The following ZNF385D variants were observed in gnomAD, a reference collection of about 807,000 sequenced individuals.
ZNF385D encodes the protein zinc finger protein 385D.
In ZNF385D, 15 loss-of-function variants were observed where a neutral mutation model predicts 35.8. That is an observed-to-expected ratio of 0.42 (90% CI 0.28 to 0.64). The LOEUF is 0.64. Among genes scored for constraint, ZNF385D ranks in the 30% least tolerant of loss-of-function variants. ZNF385D has a pLI of 0.23. For missense variants in ZNF385D, 474 were observed against 494.6 expected (o/e 0.96, Z 0.39); for synonymous variants, 212 against 186.8 (o/e 1.13, Z -1.10).
At chr3:21,896,898 G>A (rs1169637907) in intron 3 of ZNF385D, among the ~76,000 whole-genome samples, 1 of 151,712 alleles carries the variant, frequency 6.6e-6, no homozygotes, top group Non-Finnish European at 1.5e-5. Context: ...CCAAGACACA[G>A]ACTTCTAGAA....
At chr3:21,595,474 T>C (rs934914617) in intron 2 of ZNF385D, among the ~76,000 whole-genome samples, 1 of 145,278 alleles carries the variant, frequency 6.9e-6, no homozygotes, top group African/African-American at 2.5e-5. Flanking sequence ...AATATATAAT[T>C]ATATATGTTT....
chr3:21,447,678 A>G lies in ZNF385D; in HGVS notation c.440-10475T>C, dbSNP rs529769724. On this transcript the variant is annotated intron_variant, in intron 4 of 7. Transcript: ENST00000281523. ...GGAATTATGACATGATAAATCATGA[A>G]TCTTGAAAGCTTTTACTAATTGAAG... Among the ~76,000 whole-genome samples the G allele has an allele frequency of 5.9e-5, 9 of 152,328 alleles. No individual in the cohort carries two copies. The South Asian group carries it at 1.9e-3, about 32-fold the overall frequency.
chr3:22,283,302 G>A (rs894098856), intron 2 of ZNF385D, among the ~76,000 whole-genome samples: 1 of 151,952 alleles, frequency 6.6e-6, no homozygotes, highest in African/African-American at 2.4e-5. Context: ...AGGAAACAAT[G>A]GACTTAAACT....
intron 3 of ZNF385D, among the ~76,000 whole-genome samples, chr3:22,030,183 C>T (rs1697848719): frequency 6.8e-6 from 1 of 146,052 alleles, no homozygotes; most frequent in African/African-American, 2.5e-5. Flanking sequence ...ACTGGCTCTA[C>T]TTGCTCCTCA....
intron 3 of ZNF385D, among the ~76,000 whole-genome samples, chr3:22,139,968 T>C (rs1218959616): frequency 2.0e-5 from 3 of 152,182 alleles, no homozygotes; most frequent in Non-Finnish European, 4.4e-5. Flanking sequence ...CAAGAACTGA[T>C]GAGGATATAG....
At chr3:21,522,924 A>C (rs1452979442) in intron 3 of ZNF385D, among the ~76,000 whole-genome samples, 1 of 152,220 alleles carries the variant, frequency 6.6e-6, no homozygotes, top group Non-Finnish European at 1.5e-5. Context: ...CTAACAGCAC[A>C]CTATCCACCG....
chr3:21,512,532 A>G (rs1707291279), intron 3 of ZNF385D, among the ~76,000 whole-genome samples: 1 of 152,254 alleles, frequency 6.6e-6, no homozygotes, highest in African/African-American at 2.4e-5. Context: ...TTCTAGCAAG[A>G]TATCCTCAAA....
intron 1 of ZNF385D, among the ~76,000 whole-genome samples, chr3:21,707,351 G>C (rs541759963): frequency 3.3e-5 from 5 of 152,286 alleles, no homozygotes; most frequent in African/African-American, 1.2e-4. Context: ...ACAGTAGGAA[G>C]TCAAGCTTTC....
At chr3:21,977,382 G>C (rs1439725111) in intron 3 of ZNF385D, among the ~76,000 whole-genome samples, 4 of 152,004 alleles carry the variant, frequency 2.6e-5, no homozygotes, top group South Asian at 2.1e-4. Context: ...TTGTCTAGGG[G>C]GTTCCACAGC....
intron 3 of ZNF385D, among the ~76,000 whole-genome samples, chr3:21,997,833 G>A (rs1042060766): frequency 6.6e-6 from 1 of 151,620 alleles, no homozygotes; most frequent in Non-Finnish European, 1.5e-5. Context: ...ATCTGGTGGG[G>A]TTTTTTGTTG....
upstream of ZNF385D, among the ~76,000 whole-genome samples, chr3:21,753,469 C>G (rs1254737951): frequency 3.3e-5 from 5 of 152,064 alleles, no homozygotes; most frequent in Non-Finnish European, 5.9e-5. Context: ...TGGTAGTATA[C>G]CCCAAAAAAC....
At chr3:22,192,671 C>T (rs896973442) in intron 2 of ZNF385D, among the ~76,000 whole-genome samples, 1 of 152,132 alleles carries the variant, frequency 6.6e-6, no homozygotes, top group Non-Finnish European at 1.5e-5. Flanking sequence ...ACTACAACCT[C>T]ATGAAAAAAC....
chr3:21,723,178 T>C (rs1251226151), intron 1 of ZNF385D, among the ~76,000 whole-genome samples: 8 of 152,006 alleles, frequency 5.3e-5, no homozygotes, highest in Admixed American at 3.3e-4. Context: ...GGTAGATAAA[T>C]CCACAAAGAT....
chr3:21,980,497 A>C (rs997412437), intron 3 of ZNF385D, among the ~76,000 whole-genome samples: 6 of 152,174 alleles, frequency 3.9e-5, no homozygotes, highest in African/African-American at 1.4e-4. Context: ...AAAACACAAC[A>C]ACTCTTGGAA....
Position 22,123,954 on chromosome 3 carries a change from CTCTCTCTCTATA to C in ZNF385D, c.325+44851_325+44862del, listed in dbSNP as rs1257450840. ...TCTCTCTCTCTCTCTCTCTCTCTCT[CTCTCTCTCTATA>C]TATATATATATATATATATATATTG... On this transcript the variant is annotated intron_variant, in intron 3 of 5. Coordinates refer to the ZNF385D transcript ENST00000494108. Among the ~76,000 whole-genome samples the C allele has an allele frequency of 6.4e-3, 601 of 93,646 alleles. 3 individuals carry two copies. Among genetic ancestry groups the C allele is most frequent in the Non-Finnish European group, 0.011 (472 of 42,826 alleles). 61.4% of individuals were successfully genotyped at this position (93,646 alleles called of 152,430 possible). A position where few individuals can be genotyped will look rare whatever the true frequency, so the allele number is the denominator to read the frequency against.
intron 3 of ZNF385D, among the ~76,000 whole-genome samples, chr3:22,030,304 C>CGTATGTA (rs1553591410): frequency 8.3e-5 from 3 of 36,066 alleles, no homozygotes; most frequent in African/African-American, 3.5e-4. Flanking sequence ...TATATATATC[C>CGTATGTA]TATTTGGTCC....
intron 2 of ZNF385D, among the ~76,000 whole-genome samples, chr3:22,314,763 G>A (rs1421953166): frequency 6.6e-6 from 1 of 152,062 alleles, no homozygotes; most frequent in Non-Finnish European, 1.5e-5. Context: ...AGAGCAGAGT[G>A]GCTTTAATTG....
chr3:21,869,766 T>A (rs933010372), intron 3 of ZNF385D, among the ~76,000 whole-genome samples: 4 of 151,168 alleles, frequency 2.6e-5, no homozygotes, highest in Admixed American at 6.6e-5. Context: ...TAGAATCTTA[T>A]ACTATAAGAC....
intron 3 of ZNF385D, among the ~76,000 whole-genome samples, chr3:21,970,495 T>C (rs1012816124): frequency 4.7e-5 from 7 of 149,654 alleles, no homozygotes; most frequent in African/African-American, 1.7e-4. Flanking sequence ...TTTTTGAAAA[T>C]AAACAGTAAA....
Sources: gnomAD v4.1 joint callset for allele counts (sites outside exome capture counted in the v4.1 genomes callset) on GRCh38, gnomAD v4.1.1 for gene constraint, MANE v1.5 for transcripts, NCBI Gene and HGNC (gene_info 2026-07-23, HGNC 2026-07-21) for gene names.